SLC14A2: variants seen among roughly 807,000 people sequenced by gnomAD.
SLC14A2 encodes the protein solute carrier family 14 member 2.
A neutral mutation model predicts 104.6 loss-of-function variants in SLC14A2; 91 were observed. The observed-to-expected ratio is 0.87, with a 90% CI of 0.73 to 1.04. SLC14A2 has a LOEUF of 1.04. Ranked by LOEUF, SLC14A2 falls within the 50% of genes least tolerant of loss-of-function variation. SLC14A2 has a pLI of 0.00. For synonymous variants in SLC14A2, 476 were observed against 466.4 expected (o/e 1.02, Z -0.27); for missense variants, 1,189 against 1,156.0 (o/e 1.03, Z -0.41).
At chr18:45,206,708 C>A in the SLC14A2 span, among the ~76,000 whole-genome samples, 18,973 of 152,108 alleles carry the variant, frequency 0.12, 1,404 homozygotes, top group African/African-American at 0.21. Context: ...GAGTGCCATA[C>A]AAGGCTGGTA....
chr18:45,343,872 G>A (rs2085421691), intron 1 of SLC14A2, among the ~76,000 whole-genome samples: 1 of 152,144 alleles, frequency 6.6e-6, no homozygotes, highest in Non-Finnish European at 1.5e-5. Context: ...TTTGTGGAGT[G>A]ATGACAAGAC....
intron 1 of SLC14A2, among the ~76,000 whole-genome samples, chr18:45,430,131 T>C (rs1385020538): frequency 6.6e-6 from 1 of 152,218 alleles, no homozygotes; most frequent in Non-Finnish European, 1.5e-5. Context: ...CATGAGAGTA[T>C]AGTTATAACT....
chr18:45,501,303 T>A (rs1372151936), intron 2 of SLC14A2, among the ~76,000 whole-genome samples: 5 of 152,208 alleles, frequency 3.3e-5, no homozygotes, highest in African/African-American at 1.2e-4. Flanking sequence ...ACTCCCCTTA[T>A]AAGGGACCTG....
At chr18:45,455,979 G>A (rs1387544454) in intron 1 of SLC14A2, among the ~76,000 whole-genome samples, 4 of 152,190 alleles carry the variant, frequency 2.6e-5, no homozygotes, top group African/African-American at 9.7e-5. Flanking sequence ...GAAGTCTTGT[G>A]AATGAGGGTG....
At chr18:45,242,106 C>T (rs1266862254) in intron 1 of SLC14A2, among the ~76,000 whole-genome samples, 1 of 152,122 alleles carries the variant, frequency 6.6e-6, no homozygotes, top group East Asian at 1.9e-4. Flanking sequence ...ATGATTTTGG[C>T]TTTTTCTGGT....
At chr18:45,397,936 TATAA>T (rs34030553) in intron 1 of SLC14A2, among the ~76,000 whole-genome samples, 83,728 of 150,908 alleles carry the variant, frequency 0.55, 23,525 homozygotes, top group Admixed American at 0.63. Context: ...GTGATTATGA[TATAA>T]ATAAATAAAT....
chr18:45,230,784 A>T (rs2144020083), intron 1 of SLC14A2, among the ~76,000 whole-genome samples: 1 of 152,324 alleles, frequency 6.6e-6, no homozygotes, highest in Non-Finnish European at 1.5e-5. Context: ...AACTGAATCC[A>T]GTTCTCAGAG....
chr18:45,502,313 T>A (rs1197857259), intron 2 of SLC14A2, among the ~76,000 whole-genome samples: 1 of 152,178 alleles, frequency 6.6e-6, no homozygotes, highest in Non-Finnish European at 1.5e-5. Flanking sequence ...TGAACTAAAG[T>A]TAATTGTTTA....
chr18:45,503,781 T>A (rs1021970490), intron 2 of SLC14A2, among the ~76,000 whole-genome samples: 1 of 101,318 alleles, frequency 9.9e-6, no homozygotes, highest in African/African-American at 3.2e-5. Context: ...CACCTGCTGA[T>A]CTGCTGTGGC....
At chr18:45,545,479 TAGAAG>T (rs1349711208) in intron 2 of SLC14A2, among the ~76,000 whole-genome samples, 1 of 152,184 alleles carries the variant, frequency 6.6e-6, no homozygotes, top group African/African-American at 2.4e-5. Flanking sequence ...TCTATCAAAA[TAGAAG>T]AGAACATATG....
chr18:45,287,788 C>G (rs981896738), intron 1 of SLC14A2, among the ~76,000 whole-genome samples: 2 of 152,170 alleles, frequency 1.3e-5, no homozygotes, highest in Non-Finnish European at 2.9e-5. Context: ...CTTTGACGTT[C>G]TTTCAGATAC....
At chr18:45,554,516 T>C (rs2044103124) in intron 2 of SLC14A2, among the ~76,000 whole-genome samples, 1 of 152,020 alleles carries the variant, frequency 6.6e-6, no homozygotes, top group African/African-American at 2.4e-5. Flanking sequence ...GTGGAGGGAA[T>C]TTGTTGGCAA....
chr18:45,624,398 G>C (rs1599079516), intron 1 of SLC14A2, among the ~76,000 whole-genome samples: 1 of 152,206 alleles, frequency 6.6e-6, no homozygotes, highest in African/African-American at 2.4e-5. Flanking sequence ...CTGACTCAGT[G>C]GTCAGGGATA....
the SLC14A2 span, among the ~76,000 whole-genome samples, chr18:45,202,012 G>A: frequency 6.6e-6 from 1 of 152,074 alleles, no homozygotes; most frequent in South Asian, 2.1e-4. Flanking sequence ...TTAAATGCAA[G>A]AGCAAATTAA....
At chr18:45,243,814 T>C (rs2084341751) in intron 1 of SLC14A2, among the ~76,000 whole-genome samples, 1 of 152,188 alleles carries the variant, frequency 6.6e-6, no homozygotes, top group Non-Finnish European at 1.5e-5. Flanking sequence ...ATACGTTCAT[T>C]AATTGTCAGA....
chr18:45,678,285 T>C (rs2046258813), intron 18 of SLC14A2, among the ~76,000 whole-genome samples: 1 of 152,310 alleles, frequency 6.6e-6, no homozygotes, highest in East Asian at 1.9e-4. Context: ...GCTTACACTG[T>C]AGGAATGCTG....
chr18:45,546,347 T>A (rs1009359996), intron 2 of SLC14A2, among the ~76,000 whole-genome samples: 1 of 152,250 alleles, frequency 6.6e-6, no homozygotes, highest in Non-Finnish European at 1.5e-5. Context: ...TTCAGCTTCA[T>A]CTGAGACTCC....
At chr18:45,577,519 G>T (rs1328265861) in intron 2 of SLC14A2, among the ~76,000 whole-genome samples, 1 of 152,172 alleles carries the variant, frequency 6.6e-6, no homozygotes, top group Non-Finnish European at 1.5e-5. Context: ...TTCACAAAAT[G>T]TCATTTGTGA....
intron 1 of SLC14A2, among the ~76,000 whole-genome samples, chr18:45,319,520 G>C (rs2085164063): frequency 6.6e-6 from 1 of 152,226 alleles, no homozygotes; most frequent in Non-Finnish European, 1.5e-5. Context: ...CAGTAGGCCA[G>C]AGCACCAGGA....
Sources: gnomAD v4.1 joint callset for allele counts (sites outside exome capture counted in the v4.1 genomes callset) on GRCh38, gnomAD v4.1.1 for gene constraint, MANE v1.5 for transcripts, NCBI Gene and HGNC (gene_info 2026-07-23, HGNC 2026-07-21) for gene names.